ADK: variants seen among roughly 807,000 people sequenced by gnomAD.
ADK encodes the protein adenosine kinase, also known as N6,N6-dimethyladenosine kinase.
A neutral mutation model predicts 44.7 loss-of-function variants in ADK; 24 were observed. The observed-to-expected ratio is 0.54, with a 90% CI of 0.39 to 0.76. The LOEUF (loss-of-function observed/expected upper bound fraction) is 0.76. ADK is among the 30% of genes least tolerant of loss of function. ADK has a pLI of 0.00. For synonymous variants in ADK, 128 were observed against 142.6 expected, an observed-to-expected ratio of 0.90 and a Z score of 0.73; for missense variants, 321 against 425.1, an observed-to-expected ratio of 0.76 and a Z score of 2.15.
intron 9 of ADK, among the ~76,000 whole-genome samples, chr10:74,611,120 C>T (rs1852523775): frequency 6.6e-6 from 1 of 152,072 alleles, no homozygotes; most frequent in South Asian, 2.1e-4. Flanking sequence ...CTCAACCGGG[C>T]TCAAGCGATC....
At chr10:74,640,218 G>A (rs746617481) in intron 9 of ADK, among the ~76,000 whole-genome samples, 17 of 152,198 alleles carry the variant, frequency 1.1e-4, no homozygotes, top group Non-Finnish European at 2.4e-4. Context: ...ATGAGGCAGG[G>A]CCTTGAAAGT....
chr10:74,679,886 A>C (rs537054402), intron 10 of ADK, among the ~76,000 whole-genome samples: 2 of 152,256 alleles, frequency 1.3e-5, no homozygotes, highest in South Asian at 2.1e-4. Context: ...TGAACCCAGG[A>C]GGCGGAGGTT....
intron 6 of ADK, among the ~76,000 whole-genome samples, chr10:74,449,271 C>T (rs191591020): frequency 3.3e-5 from 5 of 152,268 alleles, no homozygotes; most frequent in African/African-American, 7.2e-5. Flanking sequence ...ATGTGCACAA[C>T]GTGCAGGCTT....
chr10:74,659,821 A>G (rs996466917), intron 9 of ADK, among the ~76,000 whole-genome samples: 1 of 152,034 alleles, frequency 6.6e-6, no homozygotes, highest in African/African-American at 2.4e-5. Flanking sequence ...TGCCTGCTTT[A>G]TATTCTCTGG....
chr10:74,246,489 T>G (rs2132319868), intron 3 of ADK, among the ~76,000 whole-genome samples: 1 of 152,248 alleles, frequency 6.6e-6, no homozygotes, highest in Middle Eastern at 3.4e-3. Flanking sequence ...TCAAAGTGAA[T>G]TCTCTTGTAA....
chr10:74,414,220 T>A (rs1844288279), intron 6 of ADK, among the ~76,000 whole-genome samples: 1 of 151,912 alleles, frequency 6.6e-6, no homozygotes, highest in Non-Finnish European at 1.5e-5. Flanking sequence ...TAAAAAAAAA[T>A]AATAAAAAGG....
chr10:74,462,525 A>G (rs1367325251), intron 6 of ADK, among the ~76,000 whole-genome samples: 6 of 152,188 alleles, frequency 3.9e-5, no homozygotes, highest in African/African-American at 1.4e-4. Context: ...TCAATAAGAT[A>G]TATATTTCAT....
intron 2 of ADK, among the ~76,000 whole-genome samples, chr10:74,205,499 A>C (rs1482723031): frequency 6.6e-6 from 1 of 151,990 alleles, no homozygotes; most frequent in Non-Finnish European, 1.5e-5. Flanking sequence ...AATAGGGCAA[A>C]ATTCCGTCTC....
chr10:74,274,751 C>CACATTATATATATATATATATATATATAT (rs1564628412), intron 3 of ADK, among the ~76,000 whole-genome samples: 1 of 105,622 alleles, frequency 9.5e-6, no homozygotes, highest in Non-Finnish European at 1.9e-5. Context: ...TATATATACA[C>CACATTATATATATATATATATATATATAT]ACACACATTA....
chr10:74,584,899 A>G (rs1315440507), intron 7 of ADK, among the ~76,000 whole-genome samples: 1 of 152,212 alleles, frequency 6.6e-6, no homozygotes, highest in African/African-American at 2.4e-5. Context: ...TGCAGTGAGT[A>G]TGGGCAAGTT....
chr10:74,244,744 G>A (rs1845349508), intron 3 of ADK, among the ~76,000 whole-genome samples: 1 of 152,094 alleles, frequency 6.6e-6, no homozygotes, highest in Non-Finnish European at 1.5e-5. Flanking sequence ...TTATTACCCA[G>A]AAACTTAGGC....
chr10:74,377,522 T>G (rs573488875), intron 4 of ADK, among the ~76,000 whole-genome samples: 83 of 152,314 alleles, frequency 5.4e-4, no homozygotes, highest in African/African-American at 1.9e-3. Context: ...AAAATCAGAC[T>G]CTATACATCA....
intron 1 of ADK, among the ~76,000 whole-genome samples, chr10:74,184,699 A>G (rs1184567191): frequency 6.6e-6 from 1 of 152,170 alleles, no homozygotes; most frequent in Non-Finnish European, 1.5e-5. Flanking sequence ...TCCTGACACA[A>G]TTATTAATAG....
chr10:74,291,375 C>G (rs897504390), intron 3 of ADK, among the ~76,000 whole-genome samples: 1 of 152,100 alleles, frequency 6.6e-6, no homozygotes, highest in Non-Finnish European at 1.5e-5. Flanking sequence ...TGAGACCGCA[C>G]CATTGCACTC....
At chr10:74,402,047 T>C (rs140351464) in intron 6 of ADK, among the ~76,000 whole-genome samples, 4,015 of 152,334 alleles carry the variant, frequency 0.026, 60 homozygotes, top group Non-Finnish European at 0.042. Context: ...TTCTATTCTT[T>C]AAGAATGTTG....
rs758455753 is a variant in ADK at position 74,670,249 on chromosome 10, C to G, written c.944C>G (p.Ala315Gly). ...AAAGAAATTATTGATACCAATGGAG[C>G]TGGAGATGCATTTGTTGGAGGTACA... ...DQKEIIDTNG[A>G]GDAFVGGFLS... Residue 315 changes from alanine (A) to glycine (G), a missense_variant, in exon 10 of 11, where the codon GCT becomes GGT. Transcript: ENST00000539909. The G allele has an allele frequency of 6.2e-7, 1 of 1,613,586 alleles. No individual in the cohort carries two copies. Among genetic ancestry groups the G allele is most frequent in the Non-Finnish European group, 8.5e-7 (1 of 1,179,610 alleles).
intron 4 of ADK, among the ~76,000 whole-genome samples, chr10:74,355,849 G>C (rs1842118708): frequency 6.6e-6 from 1 of 151,826 alleles, no homozygotes; most frequent in Admixed American, 6.6e-5. Flanking sequence ...CAATTCTCAG[G>C]CATAGTGCTA....
At chr10:74,404,562 C>G (rs1843841826) in intron 6 of ADK, among the ~76,000 whole-genome samples, 1 of 152,150 alleles carries the variant, frequency 6.6e-6, no homozygotes, top group Non-Finnish European at 1.5e-5. Flanking sequence ...TCTAGTTTGA[C>G]AGTTTTTCAG....
At chr10:74,584,079 G>A (rs1356101917) in intron 7 of ADK, among the ~76,000 whole-genome samples, 6 of 152,164 alleles carry the variant, frequency 3.9e-5, no homozygotes, top group African/African-American at 1.2e-4. Context: ...ACTAGGTCTA[G>A]AGCACATTCA....
Sources: allele counts gnomAD v4.1 joint callset (sites outside exome capture counted in the v4.1 genomes callset), GRCh38; gene constraint gnomAD v4.1.1; transcripts MANE v1.5; gene names NCBI Gene and HGNC (gene_info 2026-07-23, HGNC 2026-07-21).